The following PARVB variants were observed in gnomAD, a reference collection of about 807,000 sequenced individuals.
PARVB encodes the protein beta-parvin.
Under a neutral mutation model 47.0 loss-of-function variants are expected in PARVB, and 46 were observed. The observed-to-expected ratio is 0.98, with a 90% CI of 0.77 to 1.25. PARVB has a LOEUF of 1.25. PARVB is among the 50% of genes most tolerant of loss of function. PARVB has a pLI of 0.00. For missense variants in PARVB, 473 were observed against 471.6 expected (o/e 1.00, Z -0.03); for synonymous variants, 196 against 196.3 (o/e 1.00, Z 0.01).
chr22:44,116,640 C>G (rs2052911020), intron 3 of PARVB, among the ~76,000 whole-genome samples: 1 of 152,164 alleles, frequency 6.6e-6, no homozygotes, highest in South Asian at 2.1e-4. Context: ...AGCTTCTGGC[C>G]TCATAGACCT....
chr22:44,041,417 G>A (rs2051016840), intron 1 of PARVB, among the ~76,000 whole-genome samples: 2 of 152,034 alleles, frequency 1.3e-5, no homozygotes, highest in South Asian at 4.2e-4. Context: ...GCTTGAACCC[G>A]GGAGGTGGAG....
chr22:44,129,286 T>G (rs1219318826), intron 4 of PARVB, among the ~76,000 whole-genome samples: 1 of 152,158 alleles, frequency 6.6e-6, no homozygotes, highest in Non-Finnish European at 1.5e-5. Context: ...ACCCTGCCGG[T>G]GCCTTGATCT....
chr22:44,053,398 A>G (rs1264748429), intron 1 of PARVB, among the ~76,000 whole-genome samples: 1 of 152,098 alleles, frequency 6.6e-6, no homozygotes, highest in Admixed American at 6.5e-5. Flanking sequence ...TACATTTTCT[A>G]GAAGTTCTCA....
chr22:44,024,694 G>GGCGGGGACCTCGGGCCACCGT (rs1251979515), intron 1 of PARVB, among the ~76,000 whole-genome samples: 2 of 152,104 alleles, frequency 1.3e-5, no homozygotes, highest in African/African-American at 2.4e-5. Context: ...GCGCCTGCGC[G>GGCGGGGACCTCGGGCCACCGT]GCGGGGACCT....
intron 2 of PARVB, among the ~76,000 whole-genome samples, chr22:44,004,184 A>T (rs1416054241): frequency 1.3e-5 from 2 of 152,240 alleles, no homozygotes; most frequent in African/African-American, 2.4e-5. Flanking sequence ...GCAGACACGA[A>T]GTAGCAGAGC....
Position 44,093,826 on chromosome 22 carries a change from G to GA in PARVB, c.113-95dup, listed in dbSNP as rs147695135. 5.1e-3 allele frequency: 3,663 copies of GA among 713,902 alleles called. 14 individuals are homozygous for GA. Among genetic ancestry groups the GA allele is most frequent in the Non-Finnish European group, 7.6e-3 (3,153 of 413,828 alleles). The allele number at this position is 713,902 out of a possible 1,614,324, so 44.2% of individuals were successfully genotyped here. On this transcript the variant is annotated intron_variant, in intron 1 of 12. Coordinates refer to ENST00000338758, the MANE Select transcript of PARVB (RefSeq NM_013327.5). ...CTTTTAGGAATGTTTGTTAAATGCT[G>GA]AAAAAAACAGGAATTGATTTCTCTC...
At chr22:44,067,981 G>A (rs558274862) in intron 1 of PARVB, among the ~76,000 whole-genome samples, 1 of 152,296 alleles carries the variant, frequency 6.6e-6, no homozygotes, top group East Asian at 1.9e-4. Flanking sequence ...TGGGAGAGGG[G>A]CACTAGTGCC....
chr22:44,039,154 G>T (rs2050973432), intron 1 of PARVB, among the ~76,000 whole-genome samples: 1 of 152,184 alleles, frequency 6.6e-6, no homozygotes. Flanking sequence ...CAGTGGTGTG[G>T]CCCCTCAGGA....
At chr22:44,022,753 T>A (rs971338749), upstream of PARVB, among the ~76,000 whole-genome samples, 13 of 151,850 alleles carry the variant, frequency 8.6e-5, no homozygotes, top group South Asian at 2.1e-4. Context: ...TTTTATTTTT[T>A]TTTTATTTTT....
intron 2 of PARVB, among the ~76,000 whole-genome samples, chr22:44,095,633 G>A (rs577721951): frequency 1.3e-5 from 2 of 152,318 alleles, no homozygotes; most frequent in South Asian, 2.1e-4. Flanking sequence ...AGGCCCCTGC[G>A]CTCACTGCCT....
chr22:44,160,126 A>G (rs1431921199), intron 11 of PARVB, among the ~76,000 whole-genome samples: 1 of 152,178 alleles, frequency 6.6e-6, no homozygotes, highest in Non-Finnish European at 1.5e-5. Context: ...TTGCAAAGCC[A>G]CTGTTTGAGC....
Position 44,076,835 on chromosome 22 carries a change from C to T in PARVB, c.113-17093C>T, listed in dbSNP as rs374815207. Among the ~76,000 whole-genome samples the T allele has an allele frequency of 3.4e-4, 52 of 152,264 alleles. No homozygotes were observed. In the East Asian group the frequency reaches 9.3e-3, roughly 27 times the overall value. The stretch of plus-strand genomic sequence containing the variant: ...GCACCCTAGGGAGAGTGCCCACAGG[C>T]TGGGGGCTGGGGCTGGGTCCTGTGC... On this transcript the variant is annotated intron_variant, in intron 1 of 12. Transcript: ENST00000338758.
chr22:44,082,902 A>G (rs2051939097), intron 1 of PARVB, among the ~76,000 whole-genome samples: 1 of 151,964 alleles, frequency 6.6e-6, no homozygotes, highest in Non-Finnish European at 1.5e-5. Flanking sequence ...TATTCAGAAG[A>G]CCCAGTTTCC....
chr22:44,014,675 GT>G (rs1009290187), intron 2 of PARVB, among the ~76,000 whole-genome samples: 39 of 152,260 alleles, frequency 2.6e-4, no homozygotes, highest in African/African-American at 8.9e-4. Context: ...GAGAAAGCTA[GT>G]TATGTAAACT....
intron 3 of PARVB, 102 bp from the exon 4 acceptor site, chr22:44,118,936 G>A: frequency 1.3e-6 from 1 of 799,638 alleles, no homozygotes; most frequent in East Asian, 2.5e-5. Flanking sequence ...TCCCGGTGGT[G>A]GCTGCAGAGC....
At chr22:44,029,881 G>C (rs79578076) in intron 1 of PARVB, among the ~76,000 whole-genome samples, 5,138 of 151,648 alleles carry the variant, frequency 0.034, 240 homozygotes, top group East Asian at 0.098. Context: ...CTGCACTCCA[G>C]CCTGGGAGAC....
At chr22:44,128,657 AAT>A (rs1478612170) in intron 4 of PARVB, among the ~76,000 whole-genome samples, 1 of 152,214 alleles carries the variant, frequency 6.6e-6, no homozygotes, top group Non-Finnish European at 1.5e-5. Flanking sequence ...TGCCTCTTTA[AAT>A]ACAGGCACAT....
chr22:44,152,804 A>G (rs960976174), intron 10 of PARVB: 6 of 152,304 alleles, frequency 3.9e-5, no homozygotes, highest in African/African-American at 9.6e-5. Flanking sequence ...CTCTTGGTAC[A>G]GACATCCCTA....
chr22:44,093,650 C>G lies in PARVB; in HGVS notation c.113-278C>G, dbSNP rs949642675. 2.0e-5 allele frequency among the ~76,000 whole-genome samples: 3 copies of G among 152,274 alleles called. No individual in the cohort carries two copies. The East Asian group carries it at 5.8e-4, about 29-fold the overall frequency. On this transcript the variant is annotated intron_variant, in intron 1 of 12. Coordinates refer to ENST00000338758, the MANE Select transcript of PARVB (RefSeq NM_013327.5). Reference sequence around the variant, plus strand: ...GGAAGCATCTGGAGGCATCTGGAAGCTTTGGTGTCTTAGTTATGAGTTTCA... The same window carrying G: ...GGAAGCATCTGGAGGCATCTGGAAGGTTTGGTGTCTTAGTTATGAGTTTCA...
Sources: gnomAD v4.1 joint callset for allele counts (sites outside exome capture counted in the v4.1 genomes callset) on GRCh38, gnomAD v4.1.1 for gene constraint, MANE v1.5 for transcripts, NCBI Gene and HGNC (gene_info 2026-07-23, HGNC 2026-07-21) for gene names.